HTR1F: variants seen among roughly 807,000 people sequenced by gnomAD.
The protein encoded by HTR1F is 5-hydroxytryptamine (serotonin) receptor 1F, G protein-coupled.
Under a neutral mutation model 24.0 loss-of-function variants are expected in HTR1F, and 17 were observed. The ratio of observed to expected loss-of-function variants is 0.71; its 90% confidence interval spans 0.48 to 1.06. The LOEUF is 1.06. HTR1F is among the 50% of genes least tolerant of loss of function. The pLI, the probability that HTR1F is intolerant of heterozygous loss-of-function variation, is 0.00. For synonymous variants in HTR1F, 186 were observed against 156.8 expected (o/e 1.19, Z -1.39); for missense variants, 391 against 427.8 (o/e 0.91, Z 0.76).
intron 2 of HTR1F, among the ~76,000 whole-genome samples, chr3:87,920,614 G>T (rs534838522): frequency 2.0e-5 from 3 of 151,862 alleles, no homozygotes; most frequent in Non-Finnish European, 4.4e-5. Flanking sequence ...GTTTCTGAAA[G>T]ATTTTAAAAA....
intron 2 of HTR1F, among the ~76,000 whole-genome samples, chr3:87,914,925 C>A (rs970305080): frequency 6.6e-5 from 10 of 152,082 alleles, no homozygotes; most frequent in African/African-American, 2.2e-4. Flanking sequence ...AAGCTAAGAA[C>A]CCTCACAGAG....
intron 2 of HTR1F, among the ~76,000 whole-genome samples, chr3:87,838,427 A>G (rs1163164195): frequency 6.6e-6 from 1 of 152,044 alleles, no homozygotes; most frequent in African/African-American, 2.4e-5. Flanking sequence ...GCTCATAATC[A>G]CCACTCTGTT....
At chr3:87,982,017 AC>A (rs1705554975) in intron 2 of HTR1F, among the ~76,000 whole-genome samples, 1 of 151,780 alleles carries the variant, frequency 6.6e-6, no homozygotes, top group Non-Finnish European at 1.5e-5. Flanking sequence ...CTGCAACTCC[AC>A]CTCAAGCAGT....
At chr3:87,824,846 C>G (rs1704431193) in intron 2 of HTR1F, among the ~76,000 whole-genome samples, 1 of 152,116 alleles carries the variant, frequency 6.6e-6, no homozygotes, top group African/African-American at 2.4e-5. Context: ...CAAGATAATT[C>G]TATAAGTATG....
intron 2 of HTR1F, among the ~76,000 whole-genome samples, chr3:87,906,389 C>A (rs1703667805): frequency 6.6e-6 from 1 of 151,876 alleles, no homozygotes; most frequent in African/African-American, 2.4e-5. Context: ...TTCTGTAATT[C>A]CTATAGAACA....
chr3:87,894,020 T>C (rs1161571067), intron 2 of HTR1F, among the ~76,000 whole-genome samples: 1 of 151,980 alleles, frequency 6.6e-6, no homozygotes, highest in Non-Finnish European at 1.5e-5. Flanking sequence ...TTCTTTTTTT[T>C]TTATTTCCAT....
chr3:87,795,836 G>A (rs770625217), intron 1 of HTR1F, among the ~76,000 whole-genome samples: 1 of 152,132 alleles, frequency 6.6e-6, no homozygotes, highest in African/African-American at 2.4e-5. Context: ...ATATTTTAGA[G>A]CCTAGAAATG....
At chr3:87,860,679 A>C (rs1052307378) in intron 2 of HTR1F, among the ~76,000 whole-genome samples, 2 of 152,190 alleles carry the variant, frequency 1.3e-5, no homozygotes, top group African/African-American at 4.8e-5. Flanking sequence ...AGAATCAGAA[A>C]AGTACATTGA....
chr3:87,803,543 A>G (rs1371827804), intron 1 of HTR1F, among the ~76,000 whole-genome samples: 1 of 152,176 alleles, frequency 6.6e-6, no homozygotes, highest in Non-Finnish European at 1.5e-5. Context: ...AGTGATATTC[A>G]GAAAGGTTAC....
intron 2 of HTR1F, among the ~76,000 whole-genome samples, chr3:87,826,674 G>A (rs1704470422): frequency 2.0e-5 from 3 of 152,148 alleles, no homozygotes; most frequent in Admixed American, 1.3e-4. Context: ...GTCTCTTTAA[G>A]CCTGTATCTT....
At chr3:87,815,663 G>A (rs985932277) in intron 1 of HTR1F, among the ~76,000 whole-genome samples, 1 of 152,088 alleles carries the variant, frequency 6.6e-6, no homozygotes, top group African/African-American at 2.4e-5. Flanking sequence ...GAAGTAACAT[G>A]ATGGAAAGTG....
At chr3:87,859,910 T>C (rs1705280366) in intron 2 of HTR1F, among the ~76,000 whole-genome samples, 2 of 152,210 alleles carry the variant, frequency 1.3e-5, no homozygotes, top group Non-Finnish European at 2.9e-5. Flanking sequence ...ATCAAAATCA[T>C]GAATATTGAT....
intron 2 of HTR1F, among the ~76,000 whole-genome samples, chr3:87,895,873 A>T (rs895909263): frequency 1.3e-5 from 2 of 152,182 alleles, no homozygotes; most frequent in Non-Finnish European, 2.9e-5. Flanking sequence ...TAGCTCTGGA[A>T]CCAAAAAAAG....
intron 2 of HTR1F, among the ~76,000 whole-genome samples, chr3:87,934,983 A>C (rs1704376265): frequency 6.6e-6 from 1 of 152,076 alleles, no homozygotes; most frequent in African/African-American, 2.4e-5. Flanking sequence ...CTCCCACCCC[A>C]GCCTCACAAG....
chr3:87,972,533 C>G (rs913678997), intron 2 of HTR1F, among the ~76,000 whole-genome samples: 1 of 152,182 alleles, frequency 6.6e-6, no homozygotes, highest in African/African-American at 2.4e-5. Flanking sequence ...GATCTGCCTT[C>G]TAGACAACTA....
chr3:87,905,259 A>C (rs540260954), intron 2 of HTR1F, among the ~76,000 whole-genome samples: 2 of 152,076 alleles, frequency 1.3e-5, no homozygotes, highest in Admixed American at 1.3e-4. Flanking sequence ...GCAGTGAGCT[A>C]TGATCACGCC....
chr3:87,820,135 G>A (rs1371279428), intron 1 of HTR1F, among the ~76,000 whole-genome samples: 2 of 150,768 alleles, frequency 1.3e-5, no homozygotes, highest in East Asian at 3.9e-4. Flanking sequence ...ACAGATATGA[G>A]TAAAGATTCC....
At chr3:87,930,105 G>C (rs1435215013) in intron 2 of HTR1F, among the ~76,000 whole-genome samples, 1 of 152,102 alleles carries the variant, frequency 6.6e-6, no homozygotes, top group Non-Finnish European at 1.5e-5. Flanking sequence ...TATTGTATAG[G>C]AATGCTAGTG....
intron 2 of HTR1F, among the ~76,000 whole-genome samples, chr3:87,967,002 T>C (rs1442152433): frequency 6.6e-6 from 1 of 152,178 alleles, no homozygotes; most frequent in East Asian, 1.9e-4. Flanking sequence ...TGAAATTTGC[T>C]TACAGAATTA....
Sources: allele counts gnomAD v4.1 joint callset (sites outside exome capture counted in the v4.1 genomes callset), GRCh38; gene constraint gnomAD v4.1.1; transcripts MANE v1.5; gene names NCBI Gene and HGNC (gene_info 2026-07-23, HGNC 2026-07-21).